Variants in STEAP1B observed in about 807,000 individuals in gnomAD.
STEAP1B encodes the protein STEAP family protein MGC87042.
In STEAP1B, 13 loss-of-function variants were observed where a neutral mutation model predicts 27.9. That is an observed-to-expected ratio of 0.47 (90% confidence interval 0.30 to 0.74). STEAP1B has a LOEUF of 0.74. Among genes scored for constraint, STEAP1B ranks in the 30% least tolerant of loss-of-function variants. STEAP1B has a pLI of 0.06. For synonymous variants in STEAP1B, 86 were observed against 107.1 expected (o/e 0.80, Z 1.22); for missense variants, 250 against 298.7 (o/e 0.84, Z 1.20).
At chr7:22,485,478 G>A (rs746601887) in intron 4 of STEAP1B, among the ~76,000 whole-genome samples, 2 of 152,288 alleles carry the variant, frequency 1.3e-5, no homozygotes, top group South Asian at 2.1e-4. Flanking sequence ...AGACTATAGT[G>A]TAGTATGAAC....
chr7:22,478,283 G>C (rs754403430), intron 4 of STEAP1B, among the ~76,000 whole-genome samples: 1 of 152,240 alleles, frequency 6.6e-6, no homozygotes, highest in Admixed American at 6.5e-5. Flanking sequence ...AGGACAGACT[G>C]CAGAGATGCC....
chr7:22,496,343 C>G (rs1467136144), intron 1 of STEAP1B, among the ~76,000 whole-genome samples: 1 of 151,898 alleles, frequency 6.6e-6, no homozygotes, highest in Non-Finnish European at 1.5e-5. Flanking sequence ...TTACAGTAAG[C>G]TAAAGTTAAT....
At chr7:22,446,814 A>C (rs533754985) in intron 4 of STEAP1B, among the ~76,000 whole-genome samples, 2 of 152,298 alleles carry the variant, frequency 1.3e-5, no homozygotes, top group East Asian at 3.9e-4. Flanking sequence ...TGTGAAATGG[A>C]AGGAATGCTG....
chr7:22,461,035 C>G (rs897734105), intron 4 of STEAP1B, among the ~76,000 whole-genome samples: 3 of 152,190 alleles, frequency 2.0e-5, no homozygotes, highest in African/African-American at 7.2e-5. Context: ...ATTTGAAAAA[C>G]TGCCGCTTTC....
At chr7:22,434,928 G>A (rs1249339683) in intron 4 of STEAP1B, among the ~76,000 whole-genome samples, 1 of 152,140 alleles carries the variant, frequency 6.6e-6, no homozygotes, top group Non-Finnish European at 1.5e-5. Flanking sequence ...ATTCTACAAT[G>A]GTGGAAAGAT....
intron 4 of STEAP1B, among the ~76,000 whole-genome samples, chr7:22,454,845 A>ATG (rs1379607622): frequency 4.1e-3 from 385 of 92,920 alleles, no homozygotes; most frequent in East Asian, 0.015. Flanking sequence ...ATATATATAT[A>ATG]TATGTATATA....
chr7:22,453,112 TAA>T (rs1319504760), intron 4 of STEAP1B, among the ~76,000 whole-genome samples: 2 of 152,302 alleles, frequency 1.3e-5, no homozygotes, highest in East Asian at 3.9e-4. Context: ...GACATTATTT[TAA>T]AAAATTCGTG....
intron 4 of STEAP1B, among the ~76,000 whole-genome samples, chr7:22,484,269 C>A (rs958934814): frequency 6.6e-6 from 1 of 152,190 alleles, no homozygotes; most frequent in African/African-American, 2.4e-5. Context: ...AAAGGACAGG[C>A]TGATTCTTGT....
chr7:22,434,088 G>C (rs1785224380), intron 4 of STEAP1B, among the ~76,000 whole-genome samples: 2 of 152,192 alleles, frequency 1.3e-5, no homozygotes, highest in African/African-American at 4.8e-5. Flanking sequence ...CTCTCCATGA[G>C]AACAAAAGGC....
chr7:22,450,159 G>T (rs1278644287), intron 4 of STEAP1B, among the ~76,000 whole-genome samples: 1 of 152,064 alleles, frequency 6.6e-6, no homozygotes, highest in East Asian at 1.9e-4. Flanking sequence ...GTCCATTTTT[G>T]CTTTGGTTGC....
chr7:22,494,363 A>C (rs920905970), intron 2 of STEAP1B, among the ~76,000 whole-genome samples: 20 of 152,134 alleles, frequency 1.3e-4, no homozygotes, highest in African/African-American at 3.9e-4. Flanking sequence ...ATCTCTTGGT[A>C]AGCTGCCACT....
intron 4 of STEAP1B, among the ~76,000 whole-genome samples, chr7:22,470,508 C>T (rs746903260): frequency 6.6e-6 from 1 of 152,096 alleles, no homozygotes; most frequent in East Asian, 1.9e-4. Context: ...CCACAGTAAT[C>T]GGCAGTAATC....
chr7:22,467,270 A>G (rs1381916031), intron 4 of STEAP1B, among the ~76,000 whole-genome samples: 5 of 152,132 alleles, frequency 3.3e-5, no homozygotes, highest in Non-Finnish European at 7.3e-5. Context: ...CTGCAGGGGG[A>G]AAAGATATCA....
chr7:22,489,467 T>C (rs549714520), intron 4 of STEAP1B, among the ~76,000 whole-genome samples: 1 of 152,324 alleles, frequency 6.6e-6, no homozygotes, highest in South Asian at 2.1e-4. Context: ...CAAGTACCTG[T>C]GACTGTGACC....
chr7:22,479,296 C>T (rs977432012), intron 4 of STEAP1B, among the ~76,000 whole-genome samples: 4 of 152,224 alleles, frequency 2.6e-5, no homozygotes, highest in South Asian at 2.1e-4. Flanking sequence ...GTGATGCCGG[C>T]GCTGCAAGGA....
chr7:22,460,326 T>C (rs1445408230), intron 4 of STEAP1B, among the ~76,000 whole-genome samples: 1 of 97,900 alleles, frequency 1.0e-5, no homozygotes, highest in Non-Finnish European at 2.0e-5. Flanking sequence ...AGACCCTGTT[T>C]CAAAACAAAC....
intron 4 of STEAP1B, among the ~76,000 whole-genome samples, chr7:22,487,813 A>AG (rs1786240336): frequency 8.0e-6 from 1 of 125,694 alleles, no homozygotes. Flanking sequence ...CCAAAAAAAA[A>AG]AAAAAAAAAG....
At chr7:22,448,856 G>A (rs1785444968) in intron 4 of STEAP1B, among the ~76,000 whole-genome samples, 2 of 152,168 alleles carry the variant, frequency 1.3e-5, no homozygotes, top group South Asian at 4.1e-4. Context: ...TTCCCTGGGA[G>A]CCAAAAGCAC....
At chr7:22,425,188 G>A (rs1006265151) in intron 4 of STEAP1B, among the ~76,000 whole-genome samples, 3 of 152,158 alleles carry the variant, frequency 2.0e-5, no homozygotes, top group African/African-American at 7.2e-5. Context: ...CCTGGGTGAA[G>A]TGTCACAATG....
Sources: allele counts gnomAD v4.1 joint callset (sites outside exome capture counted in the v4.1 genomes callset), GRCh38; gene constraint gnomAD v4.1.1; transcripts MANE v1.5; gene names NCBI Gene and HGNC (gene_info 2026-07-23, HGNC 2026-07-21).